The following CSMD1 variants were observed in gnomAD, a reference collection of about 807,000 sequenced individuals.
CSMD1 encodes the protein CUB and sushi domain-containing protein 1.
In CSMD1, 213 loss-of-function variants were observed where a neutral mutation model predicts 417.5. The observed-to-expected ratio is 0.51, with a 90% CI of 0.46 to 0.57. The LOEUF is 0.57. Ranked by LOEUF, CSMD1 falls within the 20% of genes least tolerant of loss-of-function variation. The pLI, the probability that CSMD1 is intolerant of heterozygous loss-of-function variation, is 0.00. For missense variants in CSMD1, 6,923 were observed against 4,529.7 expected, an observed-to-expected ratio of 1.53 and a Z score of -15.17; for synonymous variants, 2,862 against 1,736.8, an observed-to-expected ratio of 1.65 and a Z score of -16.11.
At chr8:3,182,058 C>A (rs1213209722) in intron 36 of CSMD1, among the ~76,000 whole-genome samples, 2 of 152,144 alleles carry the variant, frequency 1.3e-5, no homozygotes, top group African/African-American at 4.8e-5. Flanking sequence ...TGTCAAAGAA[C>A]TATCCATTGT....
intron 3 of CSMD1, among the ~76,000 whole-genome samples, chr8:4,077,332 A>C (rs1263223298): frequency 1.8e-5 from 2 of 113,316 alleles, no homozygotes; most frequent in South Asian, 5.3e-4. Flanking sequence ...TGGTAGACAT[A>C]TAGATTATAT....
chr8:3,684,515 T>C (rs1429721985), intron 7 of CSMD1, among the ~76,000 whole-genome samples: 1 of 151,494 alleles, frequency 6.6e-6, no homozygotes, highest in Non-Finnish European at 1.5e-5. Context: ...TATTTTATCT[T>C]TTTTACTGGC....
Position 2,965,970 on chromosome 8 carries a change from C to T in CSMD1, c.9101-16G>A. The T allele has an allele frequency of 6.3e-7, 1 of 1,585,804 alleles. No individual in the cohort carries two copies. Among genetic ancestry groups the T allele is most frequent in the Non-Finnish European group, 8.6e-7 (1 of 1,163,808 alleles). On this transcript the variant is annotated splice_polypyrimidine_tract_variant and intron_variant, in intron 58 of 69. Coordinates refer to ENST00000635120, the MANE Select transcript of CSMD1 (RefSeq NM_033225.6). ...CAACTTATAACTAATAAACAGGGAACAGGAAAGAATCAGAGAAATTCATTT... is the reference window on the plus strand; with the variant it reads ...CAACTTATAACTAATAAACAGGGAATAGGAAAGAATCAGAGAAATTCATTT...
chr8:4,382,081 C>G (rs1803141678), intron 3 of CSMD1, among the ~76,000 whole-genome samples: 1 of 152,204 alleles, frequency 6.6e-6, no homozygotes, highest in African/African-American at 2.4e-5. Context: ...TGACTTTCCT[C>G]TTCTTGACAC....
At chr8:3,236,019 G>T (rs908563822) in intron 26 of CSMD1, among the ~76,000 whole-genome samples, 1 of 145,286 alleles carries the variant, frequency 6.9e-6, no homozygotes, top group Non-Finnish European at 1.5e-5. Flanking sequence ...CCGGGTTCAC[G>T]CCATTCTCCT....
At chr8:3,632,617 T>C (rs1796841449) in intron 7 of CSMD1, among the ~76,000 whole-genome samples, 1 of 152,210 alleles carries the variant, frequency 6.6e-6, no homozygotes. Context: ...GTAATGCTAA[T>C]TCTCCTGAAA....
At chr8:3,458,514 A>C (rs976842464) in intron 12 of CSMD1, among the ~76,000 whole-genome samples, 1 of 152,202 alleles carries the variant, frequency 6.6e-6, no homozygotes, top group African/African-American at 2.4e-5. Flanking sequence ...TGATGACTGG[A>C]AACTCAATAT....
chr8:3,281,639 G>A (rs915781560), intron 26 of CSMD1, among the ~76,000 whole-genome samples: 2 of 152,172 alleles, frequency 1.3e-5, no homozygotes, highest in East Asian at 1.9e-4. Context: ...CAAAACTATG[G>A]AGACAGTGAA....
At chr8:4,151,526 C>A (rs534869013) in intron 3 of CSMD1, among the ~76,000 whole-genome samples, 1 of 152,162 alleles carries the variant, frequency 6.6e-6, no homozygotes, top group African/African-American at 2.4e-5. Flanking sequence ...GGTAGTGAAA[C>A]TTTATCATAG....
chr8:3,129,825 C>G (rs577775752), intron 41 of CSMD1, among the ~76,000 whole-genome samples: 1 of 152,186 alleles, frequency 6.6e-6, no homozygotes, highest in East Asian at 1.9e-4. Context: ...CCTGTCTCTA[C>G]TAAAAATACA....
At chr8:4,317,674 G>C (rs756823722) in intron 3 of CSMD1, among the ~76,000 whole-genome samples, 2 of 152,032 alleles carry the variant, frequency 1.3e-5, no homozygotes, top group African/African-American at 4.8e-5. Context: ...TAAATCAATA[G>C]TTCTTTATAG....
At chr8:4,345,239 G>C (rs1270906579) in intron 3 of CSMD1, among the ~76,000 whole-genome samples, 3 of 152,176 alleles carry the variant, frequency 2.0e-5, no homozygotes, top group Non-Finnish European at 1.5e-5. Context: ...CGGTTTGGAG[G>C]TGAAATGGAC....
At chr8:4,959,696 T>C (rs923346848) in intron 1 of CSMD1, among the ~76,000 whole-genome samples, 4 of 152,214 alleles carry the variant, frequency 2.6e-5, no homozygotes, top group African/African-American at 9.6e-5. Flanking sequence ...AACCCTCCAA[T>C]AGTTCTCTCA....
intron 10 of CSMD1, among the ~76,000 whole-genome samples, chr8:3,563,033 T>C (rs1394837674): frequency 3.9e-5 from 6 of 152,062 alleles, no homozygotes; most frequent in South Asian, 2.1e-4. Flanking sequence ...GCATTTAGAA[T>C]GCAATGCCAT....
At position 3,387,561 on chromosome 8, in the gene CSMD1, T is replaced by C. The variant is rs1165696068; in HGVS notation, c.2715A>G (p.Leu905=). ...CACAGACGAGGGGCTCGTCGTCACT[T>C]AGTGTGTACCCCGGGTCACAGCTGA... is the stretch of plus-strand genomic sequence containing the variant. ...VTFSCDPGYT[L]SDDEPLVCER... Residue 905 remains leucine (L), a synonymous_variant, in exon 18 of 70, where the codon CTA becomes CTG. Transcript: ENST00000635120. 9.4e-6 allele frequency: 15 copies of C among 1,602,498 alleles called. No individual in the cohort carries two copies.
At chr8:4,886,784 A>C (rs112595328) in intron 1 of CSMD1, among the ~76,000 whole-genome samples, 4 of 152,074 alleles carry the variant, frequency 2.6e-5, no homozygotes, top group African/African-American at 4.8e-5. Flanking sequence ...TGTTGGCATA[A>C]ATTTATTCTT....
At chr8:3,290,008 G>A (rs1337268756) in intron 25 of CSMD1, among the ~76,000 whole-genome samples, 1 of 147,332 alleles carries the variant, frequency 6.8e-6, no homozygotes, top group Non-Finnish European at 1.5e-5. Context: ...TTTGTGTAAG[G>A]TGTAAGGAAG....
chr8:4,532,891 C>T (rs867428754), intron 2 of CSMD1, among the ~76,000 whole-genome samples: 1 of 151,868 alleles, frequency 6.6e-6, no homozygotes, highest in African/African-American at 2.4e-5. Flanking sequence ...AAATCCTGCA[C>T]CCCCATTCAG....
chr8:4,305,083 C>A (rs1326678498), intron 3 of CSMD1, among the ~76,000 whole-genome samples: 1 of 152,310 alleles, frequency 6.6e-6, no homozygotes, highest in South Asian at 2.1e-4. Flanking sequence ...CACAGAATCA[C>A]AACAGGTTCC....
Sources: allele counts gnomAD v4.1 joint callset (sites outside exome capture counted in the v4.1 genomes callset), GRCh38; gene constraint gnomAD v4.1.1; transcripts MANE v1.5; gene names NCBI Gene and HGNC (gene_info 2026-07-23, HGNC 2026-07-21).